Variants in TYW1B observed in about 807,000 individuals in gnomAD.
The protein encoded by TYW1B is tRNA-yW synthesizing protein 1 homolog B, also known as S-adenosyl-L-methionine-dependent tRNA 4-demethylwyosine synthase TYW1B.
Under a neutral mutation model 86.9 loss-of-function variants are expected in TYW1B, and 73 were observed. That is an observed-to-expected ratio of 0.84 (90% CI 0.70 to 1.02). TYW1B has a LOEUF of 1.02. Ranked by LOEUF, TYW1B falls within the 50% of genes least tolerant of loss-of-function variation. The pLI is 0.00. For synonymous variants in TYW1B, 248 were observed against 292.8 expected (o/e 0.85, Z 1.56); for missense variants, 637 against 827.4 (o/e 0.77, Z 2.82).
chr7:72,786,669 G>A (rs1374807988), intron 6 of TYW1B, among the ~76,000 whole-genome samples: 6 of 150,198 alleles, frequency 4.0e-5, no homozygotes, highest in South Asian at 2.1e-4. Flanking sequence ...TCCGTCTCCC[G>A]GGGTCAAGCA....
intron 12 of TYW1B, among the ~76,000 whole-genome samples, chr7:72,619,912 C>T (rs1380672139): frequency 6.6e-6 from 1 of 152,040 alleles, no homozygotes; most frequent in Non-Finnish European, 1.5e-5. Flanking sequence ...TTCGTGAGAA[C>T]AGCTTTTGAA....
chr7:72,681,776 G>A (rs1471754300), intron 11 of TYW1B, among the ~76,000 whole-genome samples: 3 of 151,054 alleles, frequency 2.0e-5, no homozygotes, highest in East Asian at 1.9e-4. Context: ...TAGTAGAGAC[G>A]GGGTTTCACC....
intron 13 of TYW1B, among the ~76,000 whole-genome samples, chr7:72,583,103 C>T (rs1811195360): frequency 6.6e-6 from 1 of 152,158 alleles, no homozygotes; most frequent in African/African-American, 2.4e-5. Flanking sequence ...TGGCTCACAC[C>T]TGTAATCCCA....
At chr7:72,740,464 A>G (rs1372735056) in intron 8 of TYW1B, among the ~76,000 whole-genome samples, 2 of 97,984 alleles carry the variant, frequency 2.0e-5, no homozygotes, top group African/African-American at 6.7e-5. Context: ...AGACTGGGAG[A>G]AGCTTTTTTT....
chr7:72,734,354 T>C (rs1291478935), intron 8 of TYW1B, among the ~76,000 whole-genome samples: 34 of 143,522 alleles, frequency 2.4e-4, no homozygotes, highest in Non-Finnish European at 4.3e-4. Context: ...CAGAACAAAA[T>C]AGAGAACCCA....
chr7:72,820,944 G>C (rs186025176), intron 2 of TYW1B, among the ~76,000 whole-genome samples: 1 of 152,232 alleles, frequency 6.6e-6, no homozygotes, highest in Non-Finnish European at 1.5e-5. Flanking sequence ...TAAGAGCTAC[G>C]GAAGACAAAG....
chr7:72,791,880 A>G (rs1554473566), intron 6 of TYW1B, among the ~76,000 whole-genome samples: 3 of 152,150 alleles, frequency 2.0e-5, no homozygotes, highest in African/African-American at 7.2e-5. Context: ...TTGAGTATAA[A>G]AGCTTTCAGG....
intron 6 of TYW1B, among the ~76,000 whole-genome samples, chr7:72,786,004 C>T (rs1370292845): frequency 3.9e-5 from 6 of 152,010 alleles, no homozygotes; most frequent in Admixed American, 1.3e-4. Flanking sequence ...CCCACCTACT[C>T]GGGAGGCTGA....
chr7:72,803,191 G>A (rs1322378532), intron 5 of TYW1B, among the ~76,000 whole-genome samples: 3 of 152,100 alleles, frequency 2.0e-5, no homozygotes, highest in African/African-American at 7.2e-5. Flanking sequence ...GGGCAACATA[G>A]TGAAACCCTC....
At position 72,814,848 on chromosome 7, in the gene TYW1B, T is replaced by A. The variant is rs555737666; in HGVS notation, c.237+532A>T. ...GGGAGGCCAAGGCAGGTGGATCACT[T>A]GAGGCCAGGAATTTGAGACCAGCCT... On this transcript the variant is annotated intron_variant, in intron 3 of 13. Coordinates refer to ENST00000620995, the MANE Select transcript of TYW1B (RefSeq NM_001145440.3). Among the ~76,000 whole-genome samples the A allele has an allele frequency of 5.3e-5, 8 of 150,900 alleles. No individual in the cohort carries two copies. The East Asian group carries it at 1.6e-3, about 29-fold the overall frequency.
chr7:72,736,538 C>T (rs1408377634), intron 8 of TYW1B, among the ~76,000 whole-genome samples: 5 of 151,934 alleles, frequency 3.3e-5, no homozygotes, highest in Non-Finnish European at 5.9e-5. Flanking sequence ...CTCTACTTCA[C>T]TTTTTACATG....
chr7:72,597,238 A>G (rs1193824019), intron 13 of TYW1B, among the ~76,000 whole-genome samples: 24 of 151,758 alleles, frequency 1.6e-4, no homozygotes, highest in Admixed American at 1.6e-3. Flanking sequence ...AGAAATCATG[A>G]TGGAAATTGT....
intron 11 of TYW1B, among the ~76,000 whole-genome samples, chr7:72,683,564 C>T (rs1238516113): frequency 2.0e-5 from 3 of 151,906 alleles, no homozygotes; most frequent in South Asian, 2.1e-4. Context: ...AGCAAGACTC[C>T]GACTCAAAAC....
chr7:72,678,793 G>A (rs2960942), intron 11 of TYW1B, among the ~76,000 whole-genome samples: 16 of 152,080 alleles, frequency 1.1e-4, no homozygotes, highest in Non-Finnish European at 1.9e-4. Flanking sequence ...GCCTGCCTCA[G>A]CCTCCCAAAG....
chr7:72,664,350 C>T (rs1813410044), intron 11 of TYW1B, among the ~76,000 whole-genome samples: 1 of 151,852 alleles, frequency 6.6e-6, no homozygotes, highest in Non-Finnish European at 1.5e-5. Context: ...AGATTTAATG[C>T]TTAGCTTACT....
At chr7:72,686,613 A>G (rs1439538986) in intron 11 of TYW1B, among the ~76,000 whole-genome samples, 1 of 152,144 alleles carries the variant, frequency 6.6e-6, no homozygotes, top group Non-Finnish European at 1.5e-5. Context: ...ACCCCATATG[A>G]CACTGTAATG....
chr7:72,680,204 T>C (rs552823100), intron 11 of TYW1B, among the ~76,000 whole-genome samples: 7 of 152,188 alleles, frequency 4.6e-5, no homozygotes, highest in East Asian at 1.9e-4. Context: ...TGTGAGGGTG[T>C]TGCCAAAGGA....
chr7:72,725,598 T>C (rs1408756907), intron 9 of TYW1B, among the ~76,000 whole-genome samples: 1 of 152,178 alleles, frequency 6.6e-6, no homozygotes, highest in Non-Finnish European at 1.5e-5. Context: ...GATTAACATT[T>C]AAATTGCTGG....
At chr7:72,706,241 C>A (rs1196759587) in intron 10 of TYW1B, among the ~76,000 whole-genome samples, 1 of 151,930 alleles carries the variant, frequency 6.6e-6, no homozygotes, top group Non-Finnish European at 1.5e-5. Context: ...CCAGACTGAC[C>A]AACATGGAGA....
Sources: allele counts gnomAD v4.1 joint callset (sites outside exome capture counted in the v4.1 genomes callset), GRCh38; gene constraint gnomAD v4.1.1; transcripts MANE v1.5; gene names NCBI Gene and HGNC (gene_info 2026-07-23, HGNC 2026-07-21).